The following SH3PXD2A variants were observed in gnomAD, a reference collection of about 807,000 sequenced individuals.
SH3PXD2A encodes the protein SH3 and PX domains 2A, also known as SH3 and PX domain-containing protein 2A.
A neutral mutation model predicts 115.2 loss-of-function variants in SH3PXD2A; 32 were observed. The ratio of observed to expected loss-of-function variants is 0.28; its 90% CI spans 0.21 to 0.37. The LOEUF (loss-of-function observed/expected upper bound fraction) is 0.37. Ranked by LOEUF, SH3PXD2A falls within the 10% of genes least tolerant of loss-of-function variation. The pLI is 1.00. For missense variants in SH3PXD2A, 1,328 were observed against 1,498.7 expected, an observed-to-expected ratio of 0.89 and a Z score of 1.88; for synonymous variants, 610 against 629.1, an observed-to-expected ratio of 0.97 and a Z score of 0.45.
intron 8 of SH3PXD2A, among the ~76,000 whole-genome samples, chr10:103,629,134 C>T (rs1174328107): frequency 6.6e-6 from 1 of 152,224 alleles, no homozygotes; most frequent in Admixed American, 6.5e-5. Flanking sequence ...ACCTCCTACG[C>T]TGGGGACATT....
At chr10:103,780,355 A>C (rs2038920534) in intron 2 of SH3PXD2A, among the ~76,000 whole-genome samples, 1 of 152,216 alleles carries the variant, frequency 6.6e-6, no homozygotes, top group African/African-American at 2.4e-5. Context: ...CAAGGTGCCC[A>C]TAGGTCTCAG....
At chr10:103,717,318 G>A (rs1281614549) in intron 5 of SH3PXD2A, among the ~76,000 whole-genome samples, 1 of 152,234 alleles carries the variant, frequency 6.6e-6, no homozygotes, top group Non-Finnish European at 1.5e-5. Context: ...GTCCAGAGAT[G>A]TGGGTTCCTT....
intron 2 of SH3PXD2A, among the ~76,000 whole-genome samples, chr10:103,775,812 C>T (rs1235275195): frequency 6.6e-6 from 1 of 152,154 alleles, no homozygotes; most frequent in East Asian, 1.9e-4. Context: ...AAAGCATCAC[C>T]AGCAGTGTGA....
At chr10:103,678,147 C>A (rs187533562) in intron 6 of SH3PXD2A, 2 of 1,289,140 alleles carry the variant, frequency 1.6e-6, no homozygotes, top group East Asian at 5.5e-5. Flanking sequence ...AGGAACGACC[C>A]GTTCATGTGT....
chr10:103,612,778 C>T, intron 12 of SH3PXD2A, 75 bp downstream of exon 12: 1 of 1,075,062 alleles, frequency 9.3e-7, no homozygotes, highest in South Asian at 1.7e-5. Flanking sequence ...GTGCACCCCC[C>T]TGGCTTTCAC....
At chr10:103,710,222 G>A (rs1005482256) in intron 5 of SH3PXD2A, among the ~76,000 whole-genome samples, 3 of 151,924 alleles carry the variant, frequency 2.0e-5, no homozygotes, top group African/African-American at 7.3e-5. Context: ...GCAAAACCCT[G>A]CCTTTGCCAA....
chr10:103,826,181 C>T (rs184273893), intron 1 of SH3PXD2A, among the ~76,000 whole-genome samples: 63 of 152,242 alleles, frequency 4.1e-4, no homozygotes, highest in African/African-American at 1.5e-3. Context: ...CTGCTTTGCA[C>T]ATCCAGAGTT....
chr10:103,832,797 C>T (rs1307993257), intron 1 of SH3PXD2A, among the ~76,000 whole-genome samples: 2 of 151,972 alleles, frequency 1.3e-5, no homozygotes, highest in South Asian at 2.1e-4. Context: ...ATGTAAATGA[C>T]GAGTTAATGG....
chr10:103,724,124 A>G (rs1429748812), intron 5 of SH3PXD2A, 146 bp downstream of exon 5: 1 of 442,756 alleles, frequency 2.3e-6, no homozygotes, highest in South Asian at 5.7e-5. Context: ...AATGTCCCCC[A>G]TTCCTTTGGA....
intron 6 of SH3PXD2A, among the ~76,000 whole-genome samples, chr10:103,684,088 A>C (rs1288219711): frequency 2.6e-5 from 4 of 152,196 alleles, no homozygotes; most frequent in African/African-American, 9.6e-5. Flanking sequence ...CAGAGAGCCC[A>C]GCTCTGCTAG....
At chr10:103,796,786 TA>T (rs2039093849) in intron 2 of SH3PXD2A, among the ~76,000 whole-genome samples, 3 of 152,022 alleles carry the variant, frequency 2.0e-5, no homozygotes, top group Non-Finnish European at 4.4e-5. Context: ...GATGCATAAT[TA>T]AATTTGAATT....
chr10:103,728,833 C>T (rs1272043288), intron 4 of SH3PXD2A, among the ~76,000 whole-genome samples: 1 of 151,412 alleles, frequency 6.6e-6, no homozygotes. Context: ...AGAGAGTTTA[C>T]ATAATTCCCT....
chr10:103,648,773 C>T (rs918655488), intron 8 of SH3PXD2A, among the ~76,000 whole-genome samples: 11 of 152,226 alleles, frequency 7.2e-5, no homozygotes, highest in Non-Finnish European at 1.5e-4. Flanking sequence ...AAGATCAGAT[C>T]GTCTTTTGCT....
intron 8 of SH3PXD2A, among the ~76,000 whole-genome samples, chr10:103,646,376 T>C (rs946574823): frequency 6.6e-5 from 10 of 152,146 alleles, no homozygotes; most frequent in Non-Finnish European, 1.5e-4. Context: ...TCAAACCAGA[T>C]ACTCCCCTAG....
At chr10:103,818,239 T>G (rs75109090) in intron 1 of SH3PXD2A, among the ~76,000 whole-genome samples, 2,675 of 152,324 alleles carry the variant, frequency 0.018, 78 homozygotes, top group African/African-American at 0.06. Context: ...CTCCCTGGGC[T>G]GCCTCAGCCC....
At chr10:103,682,752 G>A (rs1184413837) in intron 6 of SH3PXD2A, among the ~76,000 whole-genome samples, 36 of 68,056 alleles carry the variant, frequency 5.3e-4, no homozygotes, top group South Asian at 2.7e-3. Context: ...GCCAGATTCC[G>A]TCTCAAAAAA....
intron 8 of SH3PXD2A, among the ~76,000 whole-genome samples, chr10:103,653,551 GAGGTCCACAGAGCCAGT>G (rs931780337): frequency 6.6e-6 from 1 of 152,182 alleles, no homozygotes; most frequent in African/African-American, 2.4e-5. Flanking sequence ...TGGGACATGA[GAGGTCCACAGAGCCAGT>G]AGGTCCACAG....
At chr10:103,722,460 T>C (rs538617479) in intron 5 of SH3PXD2A, among the ~76,000 whole-genome samples, 85 of 152,304 alleles carry the variant, frequency 5.6e-4, no homozygotes, top group Non-Finnish European at 1.1e-3. Flanking sequence ...TCTGAAATTT[T>C]ACATTTTAAA....
intron 3 of SH3PXD2A, among the ~76,000 whole-genome samples, chr10:103,748,585 T>C (rs555448794): frequency 3.3e-5 from 5 of 152,196 alleles, no homozygotes; most frequent in South Asian, 4.2e-4. Context: ...TTGGCTGTCA[T>C]AGGCACACGC....
Sources: gnomAD v4.1 joint callset for allele counts (sites outside exome capture counted in the v4.1 genomes callset) on GRCh38, gnomAD v4.1.1 for gene constraint, MANE v1.5 for transcripts, NCBI Gene and HGNC (gene_info 2026-07-23, HGNC 2026-07-21) for gene names.